The following AATK variants were observed in gnomAD, a reference collection of about 807,000 sequenced individuals.
AATK encodes serine/threonine-protein kinase LMTK1.
Under a neutral mutation model 114.3 loss-of-function variants are expected in AATK, and 91 were observed. The ratio of observed to expected loss-of-function variants is 0.80; its 90% confidence interval spans 0.67 to 0.95. The LOEUF (loss-of-function observed/expected upper bound fraction) is 0.95, where lower values mean the gene tolerates loss of function less well. Ranked by LOEUF, AATK falls within the 40% of genes least tolerant of loss-of-function variation. The pLI, the probability that AATK is intolerant of heterozygous loss-of-function variation, is 0.00. For synonymous variants in AATK, 1,075 were observed against 916.5 expected (o/e 1.17, Z -3.12); for missense variants, 2,176 against 1,965.2 (o/e 1.11, Z -2.03).
intron 1 of AATK, among the ~76,000 whole-genome samples, chr17:81,142,307 C>G (rs530182450): frequency 1.3e-5 from 2 of 150,258 alleles, no homozygotes; most frequent in East Asian, 3.9e-4. Flanking sequence ...GAATCTTGCT[C>G]TGTCACCCAG....
intron 12 of AATK, 120 bp from the exon 13 acceptor site, chr17:81,119,700 C>T (rs2060668189): frequency 2.5e-6 from 2 of 785,496 alleles, no homozygotes; most frequent in Admixed American, 4.4e-5. Context: ...GGCCCCGCCT[C>T]CCATGATGTC....
Position 81,122,701 on chromosome 17 carries a change from C to T in AATK, c.1235G>A (p.Arg412Gln). Reference protein sequence around the residue: ...GATEAEEEFERRWRSLRPGGG... With the variant: ...GATEAEEEFEQRWRSLRPGGG... ...GCCGGGCCGCAGAGAGCGCCAGCGC[C>T]GTTCAAACTCCTCCTCTGCTTCGGT... Residue 412 changes from arginine to glutamine, a missense_variant, in exon 11 of 14, where the codon CGG becomes CAG. Around this residue, in one of 4 missense-constraint regions of AATK, gnomAD observed 273 missense variants for 344.1 expected, o/e 0.79. Transcript: ENST00000326724. The T allele has an allele frequency of 1.9e-6, 3 of 1,569,378 alleles. No homozygotes were observed. Among genetic ancestry groups the T allele is most frequent in the Non-Finnish European group, 2.6e-6 (3 of 1,157,970 alleles).
chr17:81,122,338 C>T lies in AATK; in HGVS notation c.1598G>A (p.Arg533His). Residue 533 changes from arginine to histidine, a missense_variant, in exon 11 of 14, where the codon CGC becomes CAC. Physicochemically the swap from Arg to His is conservative, Grantham distance 29. This residue lies in a region of AATK where 1,701 missense variants were observed against 1,394.7 expected (regional missense o/e 1.22). Coordinates refer to ENST00000326724, the MANE Select transcript of AATK (RefSeq NM_001080395.3). ...GGCGGCGGGTGCGGCCTCCTCTAGGCGGATGAAGTACTCGCTGCCCAGCGA... is the reference window on the plus strand; with the variant it reads ...GGCGGCGGGTGCGGCCTCCTCTAGGTGGATGAAGTACTCGCTGCCCAGCGA... ...SPSLGSEYFI[R>H]LEEAAPAAGH... 3 of 1,512,342 alleles carry T rather than the reference C, an allele frequency of 2.0e-6. No individual in the cohort carries two copies. The highest frequency in any genetic ancestry group is 2.6e-6 in the Non-Finnish European group (3 of 1,134,914). 93.7% of individuals were successfully genotyped at this position (1,512,342 alleles called of 1,614,324 possible). A position where few individuals can be genotyped will look rare whatever the true frequency, so the allele number is the denominator to read the frequency against.
At chr17:81,145,024 G>T (rs1265653201) in intron 1 of AATK, among the ~76,000 whole-genome samples, 2 of 152,090 alleles carry the variant, frequency 1.3e-5, no homozygotes, top group Non-Finnish European at 2.9e-5. Context: ...CTTGAGGTCA[G>T]GAGTTCGAGA....
chr17:81,128,287 C>T (rs1293901308), intron 4 of AATK, among the ~76,000 whole-genome samples, 183 bp downstream of exon 4: 1 of 152,102 alleles, frequency 6.6e-6, no homozygotes, highest in South Asian at 2.1e-4. Context: ...GACCCCAGGA[C>T]CCCCTAGGGA....
At chr17:81,146,457 T>G (rs1375154737) in intron 1 of AATK, among the ~76,000 whole-genome samples, 1 of 151,844 alleles carries the variant, frequency 6.6e-6, no homozygotes, top group Non-Finnish European at 1.5e-5. Context: ...GGCTCACACC[T>G]ATAATCCCAG....
chr17:81,145,996 T>C (rs1402107015), intron 1 of AATK, among the ~76,000 whole-genome samples: 1 of 151,460 alleles, frequency 6.6e-6, no homozygotes, highest in Admixed American at 6.6e-5. Flanking sequence ...GAGACCAGCC[T>C]GGGCAACATG....
At chr17:81,154,584 G>T (rs1403237701) in intron 1 of AATK, among the ~76,000 whole-genome samples, 1 of 144,482 alleles carries the variant, frequency 6.9e-6, no homozygotes, top group South Asian at 2.2e-4. Context: ...CTCCCAAAGT[G>T]CTGGAATTAC....
Position 81,122,429 on chromosome 17 carries a change from G to A in AATK, c.1507C>T (p.Gln503Ter). Residue 503 changes from glutamine to a stop codon, truncating the protein, a stop_gained, in exon 11 of 14, where the codon CAG becomes TAG. Coordinates refer to ENST00000326724, the MANE Select transcript of AATK (RefSeq NM_001080395.3). LOFTEE classifies it high-confidence loss of function. Reference sequence around the variant, plus strand: ...GCGCCGTCGGGGGCGCACAGCTCCTGCAGGCGTGCGGTGCGGCCAGGGCTC... The same window carrying A: ...GCGCCGTCGGGGGCGCACAGCTCCTACAGGCGTGCGGTGCGGCCAGGGCTC... Reference protein sequence around the residue: ...TLSPGRTARLQELCAPDGAPP... With the variant: ...TLSPGRTARL 6.9e-7 allele frequency: 1 copy of A among 1,457,004 alleles called. No individual in the cohort carries two copies. Among genetic ancestry groups the A allele is most frequent in the Non-Finnish European group, 9.0e-7 (1 of 1,106,228 alleles). 90.3% of individuals were successfully genotyped at this position (1,457,004 alleles called of 1,614,324 possible).
intron 6 of AATK, 113 bp downstream of exon 6, chr17:81,127,470 G>T: frequency 9.2e-7 from 1 of 1,083,936 alleles, no homozygotes; most frequent in South Asian, 1.3e-5. Flanking sequence ...CCTGGGTCTT[G>T]GCTTTAGGGA....
chr17:81,136,177 C>T (rs1426326632), intron 1 of AATK: 1 of 152,548 alleles, frequency 6.6e-6, no homozygotes, highest in Non-Finnish European at 1.5e-5. Flanking sequence ...CATCAGTCCA[C>T]ACCCCTCTAA....
intron 4 of AATK, 43 bp from the exon 5 acceptor site, chr17:81,127,953 C>T (rs561428345): frequency 8.4e-5 from 129 of 1,544,688 alleles, no homozygotes; most frequent in East Asian, 8.1e-4. Context: ...CCGCCTCCAC[C>T]GGCCCCGGCT....
chr17:81,143,204 C>A (rs1418034425), intron 1 of AATK, among the ~76,000 whole-genome samples: 1 of 152,008 alleles, frequency 6.6e-6, no homozygotes, highest in African/African-American at 2.4e-5. Context: ...GATGAGCCCC[C>A]ACCCCCGCAA....
At chr17:81,141,520 C>T (rs1377846611) in intron 1 of AATK, among the ~76,000 whole-genome samples, 3 of 152,134 alleles carry the variant, frequency 2.0e-5, no homozygotes, top group Admixed American at 2.0e-4. Flanking sequence ...TCCATGAAAT[C>T]TGTAATCAGT....
At chr17:81,157,323 C>T (rs1263475799) in intron 1 of AATK, among the ~76,000 whole-genome samples, 1 of 152,242 alleles carries the variant, frequency 6.6e-6, no homozygotes, top group East Asian at 1.9e-4. Flanking sequence ...GGGCACCGCA[C>T]CAGCCCATGC....
At chr17:81,160,627 C>T (rs1200389394) in intron 1 of AATK, among the ~76,000 whole-genome samples, 1 of 151,566 alleles carries the variant, frequency 6.6e-6, no homozygotes, top group Non-Finnish European at 1.5e-5. Context: ...ACCACGGACA[C>T]GGGCTCCTGG....
At chr17:81,128,022 C>T (rs1452314048) in intron 4 of AATK, 112 bp from the exon 5 acceptor site, 2 of 1,292,628 alleles carry the variant, frequency 1.5e-6, no homozygotes, top group Non-Finnish European at 2.1e-6. Flanking sequence ...GGACACTTCT[C>T]CTCCTGTGCC....
intron 7 of AATK, 98 bp from the exon 8 acceptor site, chr17:81,125,112 G>A (rs1043087683): frequency 6.7e-6 from 6 of 889,996 alleles, no homozygotes; most frequent in Admixed American, 5.0e-5. Context: ...CCGGGCGGGG[G>A]CATCCAGCAC....
intron 1 of AATK, among the ~76,000 whole-genome samples, chr17:81,152,323 C>T (rs1406852311): frequency 1.3e-5 from 2 of 152,126 alleles, no homozygotes; most frequent in Non-Finnish European, 2.9e-5. Flanking sequence ...TGGTGGCTCA[C>T]ACCTGTAATC....
Sources: allele counts gnomAD v4.1 joint callset (sites outside exome capture counted in the v4.1 genomes callset), GRCh38; gene constraint gnomAD v4.1.1; regional missense constraint gnomAD v4.1.1; transcripts MANE v1.5; gene names NCBI Gene and HGNC (gene_info 2026-07-23, HGNC 2026-07-21).